The following PPM1B variants were observed in gnomAD, a reference collection of about 807,000 sequenced individuals.
PPM1B encodes protein phosphatase 1B.
In PPM1B, 22 loss-of-function variants were observed where a neutral mutation model predicts 43.0. That is an observed-to-expected ratio of 0.51 (90% CI 0.37 to 0.73). The LOEUF is 0.73. Among genes scored for constraint, PPM1B ranks in the 30% least tolerant of loss-of-function variants. The pLI is 0.00. For synonymous variants in PPM1B, 217 were observed against 197.9 expected (o/e 1.10, Z -0.81); for missense variants, 632 against 584.2 (o/e 1.08, Z -0.84).
At chr2:44,172,776 G>A (rs1177168795) in intron 1 of PPM1B, among the ~76,000 whole-genome samples, 1 of 152,196 alleles carries the variant, frequency 6.6e-6, no homozygotes, top group African/African-American at 2.4e-5. Flanking sequence ...GCTTGGTGGT[G>A]TGTGCACCTG....
intron 5 of PPM1B, among the ~76,000 whole-genome samples, chr2:44,240,707 G>A (rs915817921): frequency 6.8e-6 from 1 of 146,006 alleles, no homozygotes; most frequent in Non-Finnish European, 1.5e-5. Flanking sequence ...ATTTAAGGCA[G>A]ATGTTCCCAA....
intron 4 of PPM1B, 89 bp downstream of exon 4, chr2:44,218,167 A>G: frequency 1.0e-6 from 1 of 959,176 alleles, no homozygotes; most frequent in Non-Finnish European, 1.7e-6. Context: ...GAAGTACATC[A>G]ATTATCTAGA....
chr2:44,205,348 GGTGT>G lies in PPM1B; in HGVS notation c.846+3305_846+3308del, dbSNP rs1346656687. The stretch of plus-strand genomic sequence containing the variant: ...ATAAAGAAGAGTGGGTGTGGGTGTG[GGTGT>G]GGGTGTGTGTGTGTGTGTGTGTGTG... On this transcript the variant is annotated intron_variant, in intron 2 of 5. Transcript: ENST00000282412. Among the ~76,000 whole-genome samples, 148 of 94,354 alleles carry G rather than the reference GGTGT, an allele frequency of 1.6e-3. 1 individual carries two copies. In the Middle Eastern group the frequency reaches 0.016, roughly 10 times the overall value. 61.9% of individuals were successfully genotyped at this position (94,354 alleles called of 152,430 possible). A position where few individuals can be genotyped will look rare whatever the true frequency, so the allele number is the denominator to read the frequency against.
At chr2:44,232,677 C>G (rs1382657114), downstream of PPM1B, 1 of 1,080,008 alleles carries the variant, frequency 9.3e-7, no homozygotes, top group Non-Finnish European at 1.1e-6. Context: ...GTTAGCTATA[C>G]TCTGAAAATA....
rs375600988 is a variant in PPM1B at position 44,190,746 on chromosome 2, T to TC, written c.-14-10439dup. Among the ~76,000 whole-genome samples the TC allele has an allele frequency of 7.0e-3, 1,063 of 152,340 alleles. 7 individuals are homozygous for TC. Among genetic ancestry groups the TC allele is most frequent in the Middle Eastern group, 0.024 (7 of 294 alleles). On this transcript the variant is annotated intron_variant, in intron 1 of 5. Transcript: ENST00000282412. ...CTACATATGTGTTTACATTGCATTTTCACACTCCATAAATTGAACAGCGCA... is the reference window on the plus strand; with the variant it reads ...CTACATATGTGTTTACATTGCATTTTCCACACTCCATAAATTGAACAGCGCA...
intron 1 of PPM1B, among the ~76,000 whole-genome samples, chr2:44,177,869 A>T (rs1310937345): frequency 7.3e-6 from 1 of 136,916 alleles, no homozygotes; most frequent in Non-Finnish European, 1.6e-5. Flanking sequence ...TTTCCATAGT[A>T]TTGCATATAT....
Position 44,201,560 on chromosome 2 carries a change from T to C in PPM1B, c.361T>C (p.Ser121Pro). 6.2e-7 allele frequency: 1 copy of C among 1,614,176 alleles called. No homozygotes were observed. The highest frequency in any genetic ancestry group is 1.1e-5 in the South Asian group (1 of 91,078). Reference protein sequence around the residue: ...LKIDEYMRNFSDLRNGMDRSG... With the variant: ...LKIDEYMRNFPDLRNGMDRSG... ...AATTGATGAATACATGCGTAACTTT[T>C]CAGACCTCAGAAACGGGATGGACAG... The change falls in exon 2 of 6, where the codon TCA (serine) becomes CCA (proline). Residue 121 changes from serine (S) to proline (P), a missense_variant. By Grantham distance (74) the Ser-to-Pro change is moderately conservative (BLOSUM62 -1). Around this residue, in one of 3 missense-constraint regions of PPM1B, gnomAD observed 200 missense variants for 200.7 expected, o/e 1.00. Transcript: ENST00000282412. This position sits in a 1 kb window ranked among gnomAD's most constrained non-coding sequence, Gnocchi z 5.4.
At chr2:44,235,659 A>G (rs996290397), downstream of PPM1B, among the ~76,000 whole-genome samples, 2 of 151,494 alleles carry the variant, frequency 1.3e-5, no homozygotes, top group African/African-American at 4.9e-5. Flanking sequence ...TTATGCCTGT[A>G]ATAAAGCAGG....
chr2:44,184,893 T>TG (rs1203360875), intron 1 of PPM1B, among the ~76,000 whole-genome samples: 3 of 151,480 alleles, frequency 2.0e-5, no homozygotes, highest in African/African-American at 7.3e-5. Context: ...TCTATATCAC[T>TG]TTATAGTTGT....
chr2:44,232,326 A>T (rs1209556131), downstream of PPM1B: 1 of 1,606,242 alleles, frequency 6.2e-7, no homozygotes, highest in East Asian at 2.3e-5. Flanking sequence ...GGTGCTGGAG[A>T]TCTAGAAGAC....
chr2:44,209,402 C>T (rs769672349), intron 3 of PPM1B, 75 bp downstream of exon 3: 14 of 1,486,806 alleles, frequency 9.4e-6, no homozygotes, highest in South Asian at 3.9e-5. Flanking sequence ...GCACTTTTGT[C>T]GCCTGGGCGA....
At chr2:44,239,771 T>G (rs142482009) in intron 5 of PPM1B, among the ~76,000 whole-genome samples, 5 of 152,322 alleles carry the variant, frequency 3.3e-5, no homozygotes, top group African/African-American at 1.2e-4. Flanking sequence ...CTAAGGAATC[T>G]TTATTTTCCA....
chr2:44,215,926 A>G (rs1171053331), intron 3 of PPM1B, among the ~76,000 whole-genome samples: 2 of 152,334 alleles, frequency 1.3e-5, no homozygotes, highest in African/African-American at 4.8e-5. Context: ...AGGGAAGAAC[A>G]TTCCAGGCAA....
chr2:44,196,994 C>G (rs1215665875), intron 1 of PPM1B, among the ~76,000 whole-genome samples: 1 of 152,170 alleles, frequency 6.6e-6, no homozygotes, highest in Non-Finnish European at 1.5e-5. Flanking sequence ...TTAACTGAGG[C>G]TTACCTTTTA....
chr2:44,169,036 C>T lies in PPM1B; in HGVS notation c.-253C>T, dbSNP rs1053740163. The T allele has an allele frequency of 2.5e-4, 41 of 165,108 alleles. No individual in the cohort carries two copies. The highest frequency in any genetic ancestry group is 8.9e-4 in the African/African-American group (37 of 41,650). 10.2% of individuals were successfully genotyped at this position (165,108 alleles called of 1,614,324 possible). A position where few individuals can be genotyped will look rare whatever the true frequency, so the allele number is the denominator to read the frequency against. Reference sequence around the variant, plus strand: ...AAGATGCTCCAGAGAGACGAGGCTGCGGCGGAGGAGGTGGCGGCGGCCGAA... The same window carrying T: ...AAGATGCTCCAGAGAGACGAGGCTGTGGCGGAGGAGGTGGCGGCGGCCGAA... On this transcript the variant is annotated 5_prime_UTR_variant, in exon 1 of 6. Transcript: ENST00000282412.
At chr2:44,189,582 G>C (rs560326000) in intron 1 of PPM1B, among the ~76,000 whole-genome samples, 1 of 152,112 alleles carries the variant, frequency 6.6e-6, no homozygotes, top group East Asian at 1.9e-4. Flanking sequence ...TCCTGCCTCA[G>C]CCTCCCAAGT....
chr2:44,216,554 A>G (rs1218144609), intron 3 of PPM1B, among the ~76,000 whole-genome samples: 1 of 152,192 alleles, frequency 6.6e-6, no homozygotes, highest in East Asian at 1.9e-4. Context: ...ATGGGAGTGT[A>G]TTGCAGTGTA....
intron 1 of PPM1B, among the ~76,000 whole-genome samples, chr2:44,188,389 CTTTCTTTT>C (rs1668228873): frequency 1.7e-5 from 2 of 118,736 alleles, no homozygotes; most frequent in African/African-American, 6.5e-5. Context: ...TTCTTTCTTT[CTTTCTTTT>C]TTTTTTTTTT....
intron 1 of PPM1B, among the ~76,000 whole-genome samples, chr2:44,199,319 A>T (rs1442440690): frequency 2.5e-4 from 23 of 93,848 alleles, no homozygotes; most frequent in Admixed American, 7.2e-4. Flanking sequence ...AAAAAAAAAT[A>T]AAAATAAAAA....
Sources: gnomAD v4.1 joint callset for allele counts (sites outside exome capture counted in the v4.1 genomes callset) on GRCh38, gnomAD v4.1.1 for gene constraint, gnomAD v4.1.1 regional missense constraint, Gnocchi (gnomAD v3.1) non-coding constraint, MANE v1.5 for transcripts, NCBI Gene and HGNC (gene_info 2026-07-23, HGNC 2026-07-21) for gene names.